IFRD1: variants seen among roughly 807,000 people sequenced by gnomAD.
The protein encoded by IFRD1 is interferon related developmental regulator 1.
IFRD1 carries 35 observed loss-of-function variants against 52.9 expected under a neutral mutation model. That is an observed-to-expected ratio of 0.66 (90% CI 0.51 to 0.88). The LOEUF (loss-of-function observed/expected upper bound fraction) is 0.88. Ranked by LOEUF, IFRD1 falls within the 40% of genes least tolerant of loss-of-function variation. IFRD1 has a pLI of 0.00. For synonymous variants in IFRD1, 184 were observed against 188.4 expected (o/e 0.98, Z 0.19); for missense variants, 517 against 550.8 (o/e 0.94, Z 0.61).
chr7:112,450,768 C>CG lies in IFRD1; in HGVS notation c.82dup (p.Ala28GlyfsTer15), dbSNP rs1795136247. The CG allele has an allele frequency of 6.2e-7, 1 of 1,611,892 alleles. No homozygotes were observed. The highest frequency in any genetic ancestry group is 1.7e-5 in the Admixed American group (1 of 59,976). On this transcript the variant is annotated frameshift_variant, in exon 1 of 12. Transcript: ENST00000403825. LOFTEE classifies it high-confidence loss of function. ...GGCGGGTCAGGAGCAGCCGCAGCGA[C>CG]GGCGGCGACAGCAGGTAAGGGGTAT...
chr7:112,448,680 C>T (rs1307795755), upstream of IFRD1, among the ~76,000 whole-genome samples: 1 of 152,158 alleles, frequency 6.6e-6, no homozygotes, highest in African/African-American at 2.4e-5. Flanking sequence ...AAATGTTGCC[C>T]ATTAAATAGC....
chr7:112,459,880 G>A (rs76779372), intron 5 of IFRD1, among the ~76,000 whole-genome samples: 256 of 152,318 alleles, frequency 1.7e-3, no homozygotes, highest in Non-Finnish European at 2.7e-3. Flanking sequence ...CTAGCTGTTT[G>A]CCCTGGAGGC....
chr7:112,455,315 C>T (rs571497402), intron 1 of IFRD1, among the ~76,000 whole-genome samples: 1 of 152,066 alleles, frequency 6.6e-6, no homozygotes, highest in East Asian at 2.0e-4. Flanking sequence ...AACCCTGTCT[C>T]TACTAAAAAT....
rs183937857 is a variant in IFRD1, at chr7:112,467,702, A to G, written c.907-279A>G. The G allele has an allele frequency of 7.4e-6, 3 of 406,950 alleles. No homozygotes were observed. The East Asian group carries it at 1.7e-4, about 23-fold the overall frequency. The allele number at this position is 406,950 out of a possible 1,614,324, so 25.2% of individuals were successfully genotyped here. A position where few individuals can be genotyped will look rare whatever the true frequency, so the allele number is the denominator to read the frequency against. On this transcript the variant is annotated intron_variant, in intron 8 of 11. Transcript: ENST00000403825. ...CTTTGAAATCCCAGTAATGTCTTAT[A>G]TATGGTGGGAACACAAGAAATATTT...
intron 8 of IFRD1, among the ~76,000 whole-genome samples, chr7:112,464,054 A>T (rs13229807): frequency 0.59 from 80,716 of 136,550 alleles, 23,222 homozygotes; most frequent in Non-Finnish European, 0.64. Flanking sequence ...TTTTTTTTTT[A>T]AAATAAGCTT....
At position 112,458,453 on chromosome 7, in the gene IFRD1, C is replaced by T. The variant is rs367812230; in HGVS notation, c.410-408C>T. The T allele has an allele frequency of 7.9e-5, 19 of 239,734 alleles. No homozygotes were observed. In the East Asian group the frequency reaches 1.4e-3, roughly 18 times the overall value. The allele number at this position is 239,734 out of a possible 1,614,324, so 14.9% of individuals were successfully genotyped here. A position where few individuals can be genotyped will look rare whatever the true frequency, so the allele number is the denominator to read the frequency against. On this transcript the variant is annotated intron_variant, in intron 4 of 11. Transcript: ENST00000403825. The stretch of plus-strand genomic sequence containing the variant: ...GTTTACCTAATGGACTGTGTACATC[C>T]GAAATGCTTAGGAGATTAATTCAAG...
intron 1 of IFRD1, among the ~76,000 whole-genome samples, chr7:112,454,857 G>GTTTTTTT (rs398005875): frequency 2.5e-5 from 2 of 78,810 alleles, no homozygotes; most frequent in African/African-American, 5.0e-5. Flanking sequence ...CTTCATATCA[G>GTTTTTTT]TTTTTTTTTT....
intron 1 of IFRD1, among the ~76,000 whole-genome samples, chr7:112,443,699 C>T (rs927605921): frequency 4.6e-5 from 7 of 151,896 alleles, no homozygotes; most frequent in Non-Finnish European, 1.0e-4. Context: ...TGAACCCCGT[C>T]TTTACTAAAA....
At chr7:112,464,434 C>T (rs1795558924) in intron 8 of IFRD1, among the ~76,000 whole-genome samples, 2 of 152,202 alleles carry the variant, frequency 1.3e-5, no homozygotes, top group Admixed American at 1.3e-4. Flanking sequence ...TAATAGTAGA[C>T]TCTGGAGCTG....
rs1030765204 is a variant in IFRD1 at position 112,468,041 on chromosome 7, G to A, written c.967G>A (p.Gly323Arg). The A allele has an allele frequency of 4.3e-6, 7 of 1,613,906 alleles. No homozygotes were observed. The African/African-American group carries it at 8.0e-5, about 18-fold the overall frequency. ...GATGCTTAGGGCCTTGGCAACAGAT[G>A]GAAATAAACACCGGGCCAAAGTGGA... ...TQMLRALATD[G>R]NKHRAKVDKR... The change falls in exon 9 of 12, where the codon GGA becomes AGA. Residue 323 changes from glycine (G) to arginine (R), a missense_variant. Physicochemically the swap from Gly to Arg is moderately radical, Grantham distance 125. Transcript: ENST00000403825.
rs117086064 is a variant in IFRD1, at chr7:112,456,015, T to A, written c.213T>A (p.Leu71=). 9.8e-3 allele frequency: 15,697 copies of A among 1,603,320 alleles called. 102 individuals carry two copies. The highest frequency in any genetic ancestry group is 0.011 in the Non-Finnish European group (13,007 of 1,170,242). ...ATTATTTCTTAGGACCAGAAGTCCTTGATGAGGAAGGAACTCAAGAAGACC... is the reference window on the plus strand; with the variant it reads ...ATTATTTCTTAGGACCAGAAGTCCTAGATGAGGAAGGAACTCAAGAAGACC... ...SSFAEDGPEV[L]DEEGTQEDLE... Residue 71 remains leucine (L), a synonymous_variant, in exon 3 of 12, where the codon CTT becomes CTA. Coordinates refer to ENST00000403825, the MANE Select transcript of IFRD1 (RefSeq NM_001550.4).
intron 10 of IFRD1, among the ~76,000 whole-genome samples, chr7:112,472,559 T>C (rs568617395): frequency 1.3e-5 from 2 of 152,356 alleles, no homozygotes; most frequent in Non-Finnish European, 2.9e-5. Flanking sequence ...CGGTTACTGA[T>C]GTCTGTATGA....
chr7:112,468,163 G>A (rs372328660), intron 9 of IFRD1, 48 bp downstream of exon 9: 114 of 1,583,064 alleles, frequency 7.2e-5, no homozygotes, highest in Non-Finnish European at 9.5e-5. Flanking sequence ...AAATTGGATT[G>A]TTTCAGGCTG....
chr7:112,473,816 A>T (rs1584505364), intron 11 of IFRD1, among the ~76,000 whole-genome samples: 1 of 152,118 alleles, frequency 6.6e-6, no homozygotes, highest in East Asian at 1.9e-4. Context: ...GTTCAGTGGC[A>T]CTTATTACAT....
chr7:112,427,216 T>C (rs1177254994), intron 1 of IFRD1, among the ~76,000 whole-genome samples: 3 of 152,204 alleles, frequency 2.0e-5, no homozygotes, highest in African/African-American at 4.8e-5. Flanking sequence ...CTCAAGATAA[T>C]GACATTAATC....
chr7:112,456,634 C>T (rs1200253112), intron 3 of IFRD1, among the ~76,000 whole-genome samples: 1 of 152,044 alleles, frequency 6.6e-6, no homozygotes, highest in Non-Finnish European at 1.5e-5. Context: ...TAAAACTATA[C>T]TTGTACATTG....
At position 112,435,410 on chromosome 7, in the gene IFRD1, A is replaced by G. The variant is rs557727637; in HGVS notation, c.-182+11978A>G. On this transcript the variant is annotated intron_variant, in intron 1 of 12. Coordinates refer to the IFRD1 transcript ENST00000005558. Reference sequence around the variant, plus strand: ...CCCTTATTAGATCATTAAGTGTTTGACTGCAAAACATGGATCTGACAACGT... The same window carrying G: ...CCCTTATTAGATCATTAAGTGTTTGGCTGCAAAACATGGATCTGACAACGT... 8 of 152,234 alleles carry G rather than the reference A, an allele frequency of 5.3e-5. 1 individual carries two copies. The highest frequency in any genetic ancestry group is 1.2e-4 in the Non-Finnish European group (8 of 68,046). 9.4% of individuals were successfully genotyped at this position (152,234 alleles called of 1,614,324 possible).
At chr7:112,442,531 C>T (rs1470665548) in intron 1 of IFRD1, among the ~76,000 whole-genome samples, 2 of 152,188 alleles carry the variant, frequency 1.3e-5, no homozygotes, top group Non-Finnish European at 2.9e-5. Context: ...GAAGAGATGA[C>T]TGAACTCTCC....
At position 112,429,259 on chromosome 7, in the gene IFRD1, G is replaced by C. The variant is rs1004153279; in HGVS notation, c.-182+5827G>C. Reference sequence around the variant, plus strand: ...TATTCAGTTGTGTTTGGCATGTCTTGTACCTAAAGAAACCACTGGCCTATG... The same window carrying C: ...TATTCAGTTGTGTTTGGCATGTCTTCTACCTAAAGAAACCACTGGCCTATG... On this transcript the variant is annotated intron_variant, in intron 1 of 12. Transcript: ENST00000005558. Among the ~76,000 whole-genome samples the C allele has an allele frequency of 2.0e-5, 3 of 152,256 alleles. No homozygotes were observed. The South Asian group carries it at 6.2e-4, about 32-fold the overall frequency.
Sources: gnomAD v4.1 joint callset for allele counts (sites outside exome capture counted in the v4.1 genomes callset) on GRCh38, gnomAD v4.1.1 for gene constraint, MANE v1.5 for transcripts, NCBI Gene and HGNC (gene_info 2026-07-23, HGNC 2026-07-21) for gene names.